Variants in HEY2 observed in about 807,000 individuals in gnomAD.
HEY2 encodes the protein hes related family bHLH transcription factor with YRPW motif 2.
Under a neutral mutation model 18.1 loss-of-function variants are expected in HEY2, and 10 were observed. That is an observed-to-expected ratio of 0.55 (90% confidence interval 0.34 to 0.94). The LOEUF (loss-of-function observed/expected upper bound fraction) is 0.94. HEY2 is among the 40% of genes least tolerant of loss of function. The pLI is 0.02. For synonymous variants in HEY2, 210 were observed against 182.7 expected (o/e 1.15, Z -1.21); for missense variants, 455 against 455.9 (o/e 1.00, Z 0.02).
In HEY2 at chr6:125,754,562, C is replaced by CT; in HGVS notation, c.328+16_328+17insT. ...GGGGGTAAAGGTAAGTAGATGACTT[C>CT]ATTTTTTTTTTTTTTTGCCTTTTTT... On this transcript the variant is annotated intron_variant, in intron 4 of 4. Coordinates refer to ENST00000368364, the MANE Select transcript of HEY2 (RefSeq NM_012259.3). 1.7e-6 allele frequency: 2 copies of CT among 1,172,458 alleles called. No homozygotes were observed. Among genetic ancestry groups the CT allele is most frequent in the Admixed American group, 2.4e-5 (1 of 41,048 alleles). 72.6% of individuals were successfully genotyped at this position (1,172,458 alleles called of 1,614,324 possible).
chr6:125,755,969 TTA>T (rs1773646720), intron 4 of HEY2, among the ~76,000 whole-genome samples: 1 of 152,202 alleles, frequency 6.6e-6, no homozygotes, highest in South Asian at 2.1e-4. Context: ...ACTGATTGAA[TTA>T]GTCATGCTAC....
At chr6:125,754,080 G>A (rs1298482513) in intron 3 of HEY2, among the ~76,000 whole-genome samples, 1 of 152,032 alleles carries the variant, frequency 6.6e-6, no homozygotes, top group African/African-American at 2.4e-5. Context: ...CTAGACTTTG[G>A]CTTTATAGAA....
At position 125,761,251 on chromosome 6, in the gene HEY2, A is replaced by G. The variant is rs535718662; in HGVS notation, c.*1449A>G. On this transcript the variant is annotated 3_prime_UTR_variant, in exon 5 of 5. Coordinates refer to ENST00000368364, the MANE Select transcript of HEY2 (RefSeq NM_012259.3). Reference sequence around the variant, plus strand: ...AGAGTCTTTACATACCACTAATTAAATGAAGTCCTTTTTGACTATTTTTTA... The same window carrying G: ...AGAGTCTTTACATACCACTAATTAAGTGAAGTCCTTTTTGACTATTTTTTA... The G allele has an allele frequency of 6.5e-6, 1 of 152,792 alleles. No homozygotes were observed. Among genetic ancestry groups the G allele is most frequent in the South Asian group, 2.1e-4 (1 of 4,828 alleles). The allele number at this position is 152,792 out of a possible 1,614,324, so 9.5% of individuals were successfully genotyped here. A position where few individuals can be genotyped will look rare whatever the true frequency, so the allele number is the denominator to read the frequency against.
chr6:125,756,523 C>T (rs1159543113), intron 4 of HEY2, among the ~76,000 whole-genome samples: 1 of 151,858 alleles, frequency 6.6e-6, no homozygotes, highest in African/African-American at 2.4e-5. Context: ...GCCGAGATCG[C>T]GCCATTGCAC....
chr6:125,759,090 C>G (rs769632168), intron 4 of HEY2, 27 bp from the exon 5 acceptor site: 5 of 1,553,172 alleles, frequency 3.2e-6, no homozygotes, highest in African/African-American at 2.7e-5. Context: ...CTCTCCTGTT[C>G]CCTACTTTGC....
intron 3 of HEY2, among the ~76,000 whole-genome samples, chr6:125,752,427 CAA>C (rs56184046): frequency 8.5e-6 from 1 of 117,726 alleles, no homozygotes. Flanking sequence ...CCGTATCCTT[CAA>C]AAAAAAAAAA....
intron 3 of HEY2, 85 bp from the exon 4 acceptor site, chr6:125,754,380 G>A (rs555188310): frequency 2.2e-5 from 15 of 677,986 alleles, no homozygotes; most frequent in Non-Finnish European, 3.2e-5. Flanking sequence ...GGAAATTGAA[G>A]CCATAATGCT....
chr6:125,755,284 G>T (rs1454921393), intron 4 of HEY2, among the ~76,000 whole-genome samples: 1 of 152,268 alleles, frequency 6.6e-6, no homozygotes, highest in South Asian at 2.1e-4. Context: ...AAACAGCCTT[G>T]AGATCCTAGT....
Position 125,759,492 on chromosome 6 carries a change from A to T in HEY2, c.704A>T (p.Asp235Val). 1.2e-6 allele frequency: 2 copies of T among 1,611,392 alleles called. No homozygotes were observed. Among genetic ancestry groups the T allele is most frequent in the Non-Finnish European group, 1.7e-6 (2 of 1,179,988 alleles). ...ALLTATFAHA[D>V]SALRMPSTGS... is the part of the protein sequence containing the mutation. ...CTCACGGCCACGTTTGCCCATGCGG[A>T]TTCAGCCCTCCGAATGCCATCCACG... The change falls in exon 5 of 5, where the codon GAT becomes GTT. Residue 235 changes from aspartate (D) to valine (V), a missense_variant. Physicochemically the swap from Asp to Val is radical, Grantham distance 152 (BLOSUM62 -3). Transcript: ENST00000368364.
chr6:125,758,612 C>T (rs993049144), intron 4 of HEY2, among the ~76,000 whole-genome samples: 10 of 152,184 alleles, frequency 6.6e-5, no homozygotes, highest in African/African-American at 1.7e-4. Flanking sequence ...TTTCTAAAGT[C>T]CTCAAGCTGC....
At chr6:125,751,593 T>C (rs1773543710) in intron 1 of HEY2, among the ~76,000 whole-genome samples, 1 of 152,230 alleles carries the variant, frequency 6.6e-6, no homozygotes, top group African/African-American at 2.4e-5. Context: ...GGTTAGCATC[T>C]GGATTACAAA....
rs770817741 is a variant in HEY2 at position 125,759,193 on chromosome 6, G to T, written c.405G>T (p.Arg135=). The T allele has an allele frequency of 1.5e-5, 25 of 1,613,474 alleles. No homozygotes were observed. The highest frequency in any genetic ancestry group is 1.4e-5 in the Non-Finnish European group (16 of 1,180,030). ...GFRECLTEVA[R]YLSSVEGLDS... Reference sequence around the variant, plus strand: ...GAGAGTGCCTAACAGAAGTTGCGCGGTACCTGAGCTCCGTGGAAGGCCTGG... The same window carrying T: ...GAGAGTGCCTAACAGAAGTTGCGCGTTACCTGAGCTCCGTGGAAGGCCTGG... The change falls in exon 5 of 5, where the codon CGG becomes CGT. Residue 135 remains arginine (R), a synonymous_variant. Transcript: ENST00000368364.
Position 125,759,101 on chromosome 6 carries a change from T to C in HEY2, c.329-16T>C. ...ATCTCTCTCCTGTTCCCTACTTTGC[T>C]CAAACCCACTTTTAGGCTACTTTGA... On this transcript the variant is annotated splice_polypyrimidine_tract_variant and intron_variant, in intron 4 of 4. Transcript: ENST00000368364. 6.4e-7 allele frequency: 1 copy of C among 1,572,924 alleles called. No homozygotes were observed. The highest frequency in any genetic ancestry group is 8.6e-7 in the Non-Finnish European group (1 of 1,157,892).
At position 125,759,639 on chromosome 6, in the gene HEY2, G is replaced by A. The variant is rs1773750775; in HGVS notation, c.851G>A (p.Gly284Glu). Residue 284 changes from glycine to glutamate, a missense_variant, in exon 5 of 5, where the codon GGG (glycine) becomes GAG (glutamate). Transcript: ENST00000368364. ...AAHSFPLSFAGAFPMLPPNAA... is the reference protein window; with the variant it reads ...AAHSFPLSFAEAFPMLPPNAA... Reference sequence around the variant, plus strand: ...CACAGCTTCCCTCTGTCCTTCGCGGGGGCATTCCCCATGCTTCCCCCAAAC... The same window carrying A: ...CACAGCTTCCCTCTGTCCTTCGCGGAGGCATTCCCCATGCTTCCCCCAAAC... 6.2e-7 allele frequency: 1 copy of A among 1,611,182 alleles called. No homozygotes were observed. Among genetic ancestry groups the A allele is most frequent in the African/African-American group, 1.3e-5 (1 of 75,024 alleles).
At chr6:125,751,124 C>T (rs1447756126) in intron 1 of HEY2, among the ~76,000 whole-genome samples, 2 of 152,170 alleles carry the variant, frequency 1.3e-5, no homozygotes, top group African/African-American at 4.8e-5. Flanking sequence ...CTGAGACACA[C>T]CTACAGTTTC....
Position 125,749,719 on chromosome 6 carries a change from C to A in HEY2, c.-58C>A, listed in dbSNP as rs565176202. On this transcript the variant is annotated 5_prime_UTR_variant, in exon 1 of 5. Transcript: ENST00000368364. The stretch of plus-strand genomic sequence containing the variant: ...GGAGGAGGCGGGCGTCAGGGTGCTG[C>A]GCCCCGCTCGGCGTCCGAGCTTCCG... The A allele has an allele frequency of 1.0e-5, 14 of 1,382,388 alleles. No homozygotes were observed. In the African/African-American group the frequency reaches 2.0e-4, roughly 20 times the overall value. 85.6% of individuals were successfully genotyped at this position (1,382,388 alleles called of 1,614,324 possible).
rs775395778 is a variant in HEY2, at chr6:125,759,741, C to A, written c.953C>A (p.Thr318Asn). 3.7e-6 allele frequency: 6 copies of A among 1,613,686 alleles called. No individual in the cohort carries two copies. In the Admixed American group the frequency reaches 1.0e-4, roughly 27 times the overall value. ...SVSATSSPQQ[T>N]SSGTNNKPYR... is the part of the protein sequence containing the mutation. ...TCAGCCACGTCCAGTCCTCAGCAGA[C>A]CAGCAGTGGAACAAACAATAAACCT... Residue 318 changes from threonine (T) to asparagine (N), a missense_variant, in exon 5 of 5, where the codon ACC becomes AAC. Coordinates refer to ENST00000368364, the MANE Select transcript of HEY2 (RefSeq NM_012259.3).
rs754915674 is a variant in HEY2, at chr6:125,749,805, C to T, written c.29C>T (p.Ser10Phe). 9.8e-5 allele frequency: 156 copies of T among 1,584,128 alleles called. No individual in the cohort carries two copies. The highest frequency in any genetic ancestry group is 1.3e-4 in the Non-Finnish European group (156 of 1,165,900). Residue 10 changes from serine to phenylalanine, a missense_variant, in exon 1 of 5, where the codon TCC (serine) becomes TTC (phenylalanine). Transcript: ENST00000368364. MKRPCEETT[S>F]ESDMDETIDV... Reference sequence around the variant, plus strand: ...AAGCGCCCCTGCGAGGAGACGACCTCCGAGAGCGACATGGACGAGACCATC... The same window carrying T: ...AAGCGCCCCTGCGAGGAGACGACCTTCGAGAGCGACATGGACGAGACCATC...
chr6:125,751,462 T>C (rs1030912460), intron 1 of HEY2, among the ~76,000 whole-genome samples: 6 of 152,224 alleles, frequency 3.9e-5, no homozygotes, highest in African/African-American at 9.6e-5. Flanking sequence ...TTGAGATTAG[T>C]TGACTTTAAA....
Sources: gnomAD v4.1 joint callset for allele counts (sites outside exome capture counted in the v4.1 genomes callset) on GRCh38, gnomAD v4.1.1 for gene constraint, MANE v1.5 for transcripts, NCBI Gene and HGNC (gene_info 2026-07-23, HGNC 2026-07-21) for gene names.